The following HERC2 variants were observed in gnomAD, a reference collection of about 807,000 sequenced individuals.
HERC2 encodes the protein E3 ubiquitin-protein ligase HERC2.
In HERC2, 102 loss-of-function variants were observed where a neutral mutation model predicts 537.7. That is an observed-to-expected ratio of 0.19 (90% confidence interval 0.16 to 0.22). The LOEUF (loss-of-function observed/expected upper bound fraction) is 0.22. HERC2 is among the 10% of genes least tolerant of loss of function. The pLI is 1.00. For synonymous variants in HERC2, 2,224 were observed against 2,466.2 expected (o/e 0.90, Z 2.91); for missense variants, 4,236 against 6,198.2 (o/e 0.68, Z 10.63).
At chr15:28,155,467 G>A (rs1465892162) in intron 69 of HERC2, among the ~76,000 whole-genome samples, 1 of 152,182 alleles carries the variant, frequency 6.6e-6, no homozygotes, top group East Asian at 1.9e-4. Flanking sequence ...TCTAACTGGT[G>A]TGAGATGGTA....
rs761381488 is a variant in HERC2, at chr15:28,167,691, T to C, written c.10550A>G (p.Lys3517Arg). 20 of 1,614,114 alleles carry C rather than the reference T, an allele frequency of 1.2e-5. No homozygotes were observed. The highest frequency in any genetic ancestry group is 1.7e-5 in the Non-Finnish European group (20 of 1,179,982). The part of the protein sequence containing the change: ...SIIAETMTKT[K>R]EDVESQNKAA... ...TAAAGAAGAACGCCTCTTCACCTCT[T>C]TGGTTTTGGTCATGGTTTCTGCAAT... The change falls in exon 68 of 93, where the codon AAA (lysine) becomes AGA (arginine). Residue 3517 changes from lysine to arginine, a missense_variant. Transcript: ENST00000261609.
At chr15:28,278,982 A>G (rs1278105665) in intron 5 of HERC2, among the ~76,000 whole-genome samples, 1 of 152,232 alleles carries the variant, frequency 6.6e-6, no homozygotes, top group Non-Finnish European at 1.5e-5. Context: ...ATTAAAACTC[A>G]TATGCCCAAA....
In HERC2 at chr15:28,294,013, G is replaced by A. The variant is rs116640531; in HGVS notation, c.188-991C>T. Among the ~76,000 whole-genome samples the A allele has an allele frequency of 1.1e-3, 171 of 152,344 alleles. 2 individuals are homozygous for A. Among genetic ancestry groups the A allele is most frequent in the Middle Eastern group, 6.8e-3 (2 of 294 alleles). ...ATTAGAAAAATGTATCTCAATCGGT[G>A]AAAGACACGATATCCCATCCAGATT... On this transcript the variant is annotated intron_variant, in intron 3 of 92. Coordinates refer to ENST00000261609, the MANE Select transcript of HERC2 (RefSeq NM_004667.6).
At chr15:28,173,945 T>C (rs1340882429) in intron 65 of HERC2, among the ~76,000 whole-genome samples, 1 of 151,982 alleles carries the variant, frequency 6.6e-6, no homozygotes, top group Non-Finnish European at 1.5e-5. Context: ...AGAGGAACGC[T>C]GGGGTAGTGT....
At chr15:28,155,299 T>C (rs1358742521) in intron 69 of HERC2, among the ~76,000 whole-genome samples, 1 of 152,122 alleles carries the variant, frequency 6.6e-6, no homozygotes, top group Admixed American at 6.5e-5. Context: ...GATGGCTGGG[T>C]CAAATGGTAT....
chr15:28,206,954 C>T lies in HERC2; in HGVS notation c.7070-572G>A, dbSNP rs368419232. ...TGAACCAGGGAGTTGGAGGTTGCAG[C>T]GAGCCAATATCACACCACCATACTC... On this transcript the variant is annotated intron_variant, in intron 44 of 92. Transcript: ENST00000261609. Among the ~76,000 whole-genome samples the T allele has an allele frequency of 3.7e-4, 56 of 149,866 alleles. 1 individual carries two copies. The highest frequency in any genetic ancestry group is 2.4e-3 in the South Asian group (11 of 4,676).
At chr15:28,144,433 AC>A (rs1414557391) in intron 72 of HERC2, among the ~76,000 whole-genome samples, 198 bp from the exon 73 acceptor site, 1 of 152,116 alleles carries the variant, frequency 6.6e-6, no homozygotes, top group Non-Finnish European at 1.5e-5. Flanking sequence ...AAGCCTAAGA[AC>A]TGCACCAGCA....
In HERC2 at chr15:28,130,403, G is replaced by A; in HGVS notation, c.12662+100C>T. 1.9e-6 allele frequency: 3 copies of A among 1,589,066 alleles called. No individual in the cohort carries two copies. The Admixed American group carries it at 5.0e-5, about 27-fold the overall frequency. On this transcript the variant is annotated intron_variant, in intron 82 of 92. Transcript: ENST00000261609. Reference sequence around the variant, plus strand: ...CTCTGCTGTTCAGGACACAACCATAGCCTGCTGCAGAAGCTACATTCCCAT... The same window carrying A: ...CTCTGCTGTTCAGGACACAACCATAACCTGCTGCAGAAGCTACATTCCCAT...
intron 83 of HERC2, among the ~76,000 whole-genome samples, chr15:28,129,530 C>T (rs1381722827): frequency 2.0e-5 from 3 of 152,240 alleles, no homozygotes; most frequent in East Asian, 3.8e-4. Flanking sequence ...CAGTGAACCA[C>T]ACCTACCACC....
chr15:28,292,026 A>C (rs1596405814), intron 4 of HERC2, among the ~76,000 whole-genome samples: 2 of 151,768 alleles, frequency 1.3e-5, no homozygotes, highest in African/African-American at 4.8e-5. Flanking sequence ...TCAGGAGTTC[A>C]AGACCAGCCT....
intron 2 of HERC2, among the ~76,000 whole-genome samples, chr15:28,320,626 C>CA (rs2077205446): frequency 6.6e-6 from 1 of 151,886 alleles, no homozygotes; most frequent in Admixed American, 6.6e-5. Context: ...AAAATACAGA[C>CA]ACACACAAAA....
chr15:28,262,134 T>C (rs926973752), intron 15 of HERC2, among the ~76,000 whole-genome samples: 1 of 152,160 alleles, frequency 6.6e-6, no homozygotes, highest in African/African-American at 2.4e-5. Context: ...CTTCCTACTT[T>C]CTTGTCAATT....
At chr15:28,120,333 C>G (rs1374516547) in intron 86 of HERC2, among the ~76,000 whole-genome samples, 2 of 152,168 alleles carry the variant, frequency 1.3e-5, no homozygotes, top group African/African-American at 4.8e-5. Flanking sequence ...AAGTATAACT[C>G]TGAAAACATT....
intron 2 of HERC2, chr15:28,320,018 GAAAC>G (rs1249532885): frequency 1.3e-5 from 2 of 151,850 alleles, no homozygotes; most frequent in African/African-American, 4.8e-5. Flanking sequence ...TGTTTAAAGA[GAAAC>G]AAACCCAAAG....
In HERC2 at chr15:28,176,999, T is replaced by A; in HGVS notation, c.9383A>T (p.Tyr3128Phe). 1 of 1,614,104 alleles carries A rather than the reference T, an allele frequency of 6.2e-7. No individual in the cohort carries two copies. Among genetic ancestry groups the A allele is most frequent in the Non-Finnish European group, 8.5e-7 (1 of 1,179,964 alleles). The change falls in exon 61 of 93, where the codon TAC (tyrosine) becomes TTC (phenylalanine). Residue 3128 changes from tyrosine (Y) to phenylalanine (F), a missense_variant. By Grantham distance (22) the Tyr-to-Phe change is conservative (BLOSUM62 3). Coordinates refer to ENST00000261609, the MANE Select transcript of HERC2 (RefSeq NM_004667.6). This position sits in a 1 kb window ranked among gnomAD's most constrained non-coding sequence, Gnocchi z 5.0. ...ATTATCCCCATGTCCCAGCCGGCCG[T>A]ACTCGCCGAGGCCCCAGGTGTACAG... is the stretch of plus-strand genomic sequence containing the variant. ...GELYTWGLGEYGRLGHGDNTT... is the reference protein window; with the variant it reads ...GELYTWGLGEFGRLGHGDNTT...
intron 2 of HERC2, among the ~76,000 whole-genome samples, chr15:28,305,177 C>T (rs1189322939): frequency 6.9e-4 from 101 of 145,896 alleles, no homozygotes; most frequent in African/African-American, 2.2e-3. Flanking sequence ...AATAAACATA[C>T]GTGTGCATGT....
rs1395357995 is a variant in HERC2, at chr15:28,246,011, A to C, written c.3447T>G (p.Ala1149=). The change falls in exon 23 of 93, where the codon GCT becomes GCG. Residue 1149 remains alanine, a synonymous_variant. Coordinates refer to ENST00000261609, the MANE Select transcript of HERC2 (RefSeq NM_004667.6). ...CAGCTCCAGCCTCTTGCATGAGACC[A>C]GCATTTTTACTGAGCAGAAGCACTA... ...VSIVLLLSKN[A]GLMQEAGAVP... The C allele has an allele frequency of 2.5e-6, 4 of 1,613,970 alleles. No homozygotes were observed. Among genetic ancestry groups the C allele is most frequent in the Non-Finnish European group, 3.4e-6 (4 of 1,179,850 alleles).
chr15:28,182,536 AAAAAG>A (rs1339569650), intron 56 of HERC2, 24 bp from the exon 57 acceptor site: 3 of 1,524,948 alleles, frequency 2.0e-6, no homozygotes, highest in South Asian at 2.3e-5. Flanking sequence ...AAAAAAAAAG[AAAAAG>A]AAAAGAGAGG....
chr15:28,185,729 C>T (rs900810851), intron 56 of HERC2, among the ~76,000 whole-genome samples: 4 of 152,300 alleles, frequency 2.6e-5, no homozygotes, highest in Non-Finnish European at 4.4e-5. Context: ...GACTTCTGTA[C>T]GTATGGCCTG....
Sources: gnomAD v4.1 joint callset for allele counts (sites outside exome capture counted in the v4.1 genomes callset) on GRCh38, gnomAD v4.1.1 for gene constraint, Gnocchi (gnomAD v3.1) non-coding constraint, MANE v1.5 for transcripts, NCBI Gene and HGNC (gene_info 2026-07-23, HGNC 2026-07-21) for gene names.